MGAT5B: variants seen among roughly 807,000 people sequenced by gnomAD.
MGAT5B encodes the protein N-acetylglucosaminyl-transferase Vb.
Under a neutral mutation model 95.1 loss-of-function variants are expected in MGAT5B, and 54 were observed. That is an observed-to-expected ratio of 0.57 (90% confidence interval 0.46 to 0.71). The LOEUF is 0.71. Among genes scored for constraint, MGAT5B ranks in the 30% least tolerant of loss-of-function variants. The pLI, the probability that MGAT5B is intolerant of heterozygous loss-of-function variation, is 0.00. For missense variants in MGAT5B, 935 were observed against 1,088.6 expected (o/e 0.86, Z 1.99); for synonymous variants, 464 against 451.0 (o/e 1.03, Z -0.36).
At chr17:76,909,634 C>T (rs8066852) in intron 8 of MGAT5B, among the ~76,000 whole-genome samples, 18 of 152,318 alleles carry the variant, frequency 1.2e-4, no homozygotes, top group African/African-American at 3.8e-4. Context: ...GGCAGCTACT[C>T]AGTTTCTGCC....
At chr17:76,926,286 C>G (rs1468902642) in intron 9 of MGAT5B, among the ~76,000 whole-genome samples, 2 of 152,192 alleles carry the variant, frequency 1.3e-5, no homozygotes, top group East Asian at 3.9e-4. Flanking sequence ...CAAGCAGTGC[C>G]TCCCTTCTGG....
At chr17:76,922,149 C>T (rs1969142207) in intron 8 of MGAT5B, among the ~76,000 whole-genome samples, 1 of 152,090 alleles carries the variant, frequency 6.6e-6, no homozygotes, top group African/African-American at 2.4e-5. Context: ...AAGGAAGCTC[C>T]CAGGACAGAG....
At chr17:76,934,619 G>A (rs142930845) in intron 12 of MGAT5B, among the ~76,000 whole-genome samples, 149 of 152,270 alleles carry the variant, frequency 9.8e-4, no homozygotes, top group African/African-American at 3.4e-3. Flanking sequence ...GAGTCGGAGG[G>A]TCGTGGAACA....
In MGAT5B at chr17:76,930,672, C is replaced by T. The variant is rs1030971769; in HGVS notation, c.1292-1973C>T. ...TCCACACACGGCCATGGAATTGGAG[C>T]GTGAGATCAAACATGTTCCCTGGCC... On this transcript the variant is annotated intron_variant, in intron 10 of 17. Transcript: ENST00000569840. This position sits in a 1 kb window ranked among gnomAD's most constrained non-coding sequence, Gnocchi z 4.1. Among the ~76,000 whole-genome samples the T allele has an allele frequency of 6.6e-6, 1 of 152,164 alleles. No individual in the cohort carries two copies. The highest frequency in any genetic ancestry group is 2.4e-5 in the African/African-American group (1 of 41,434).
chr17:76,946,349 C>A, intron 15 of MGAT5B, 27 bp from the exon 16 acceptor site: 1 of 1,593,886 alleles, frequency 6.3e-7, no homozygotes, highest in East Asian at 2.3e-5. Context: ...TTCTCCCGCC[C>A]CATGTGTCTG....
chr17:76,922,545 G>A (rs1040927097), intron 8 of MGAT5B, among the ~76,000 whole-genome samples: 1 of 152,338 alleles, frequency 6.6e-6, no homozygotes, highest in East Asian at 1.9e-4. Flanking sequence ...TGCAGAATTT[G>A]TTCAACACTT....
intron 3 of MGAT5B, among the ~76,000 whole-genome samples, chr17:76,895,374 C>G (rs1467227983): frequency 6.6e-6 from 1 of 152,048 alleles, no homozygotes; most frequent in East Asian, 1.9e-4. Flanking sequence ...CTTGAATCAT[C>G]CTGAAACCAT....
At chr17:76,943,397 C>A (rs911666815) in intron 15 of MGAT5B, among the ~76,000 whole-genome samples, 4 of 152,028 alleles carry the variant, frequency 2.6e-5, no homozygotes, top group African/African-American at 4.8e-5. Flanking sequence ...CAGCTCACCC[C>A]CTCAGCTCAC....
chr17:76,893,120 C>A (rs1967939404), intron 3 of MGAT5B, among the ~76,000 whole-genome samples: 2 of 152,102 alleles, frequency 1.3e-5, no homozygotes, highest in Admixed American at 1.3e-4. Context: ...CCCTGTGGCC[C>A]TTGAGTGGCT....
At chr17:76,887,495 C>G (rs1967691811) in intron 3 of MGAT5B, among the ~76,000 whole-genome samples, 1 of 94,176 alleles carries the variant, frequency 1.1e-5, no homozygotes, top group Non-Finnish European at 2.0e-5. Context: ...CCCTCCCTCC[C>G]TTCCTCTCTC....
intron 10 of MGAT5B, 36 bp from the exon 11 acceptor site, chr17:76,932,609 T>C: frequency 6.2e-7 from 1 of 1,611,534 alleles, no homozygotes; most frequent in Non-Finnish European, 8.5e-7. Flanking sequence ...CTTGGTTGTT[T>C]GGTGACCCCA....
At chr17:76,945,456 AT>A (rs1220975566) in intron 15 of MGAT5B, among the ~76,000 whole-genome samples, 7 of 151,758 alleles carry the variant, frequency 4.6e-5, no homozygotes, top group Non-Finnish European at 2.9e-5. Flanking sequence ...CGCCTAGCTA[AT>A]TTTTTTTGTA....
chr17:76,947,649 C>G (rs761070468), intron 16 of MGAT5B, among the ~76,000 whole-genome samples, 181 bp from the exon 17 acceptor site: 1 of 152,212 alleles, frequency 6.6e-6, no homozygotes, highest in African/African-American at 2.4e-5. Flanking sequence ...TTCCTGTAAG[C>G]GATCTGGAGA....
chr17:76,947,169 G>T (rs536232257), intron 16 of MGAT5B, among the ~76,000 whole-genome samples: 14 of 152,334 alleles, frequency 9.2e-5, no homozygotes, highest in African/African-American at 3.4e-4. Flanking sequence ...GGGCCCTGGG[G>T]CAGGTGGCCG....
Position 76,868,894 on chromosome 17 carries a change from CG to C in MGAT5B, c.-133del. On this transcript the variant is annotated 5_prime_UTR_variant, in exon 1 of 18. Coordinates refer to ENST00000569840, the MANE Select transcript of MGAT5B (RefSeq NM_001199172.2). This position sits in a 1 kb window ranked among gnomAD's most constrained non-coding sequence, Gnocchi z 6.3. Reference sequence around the variant, plus strand: ...GCCCAGGCCTGAGCAGCGAGGCCACCGGGCCGCGCGCTCCCAGCTTCGCTCG... The same window carrying C: ...GCCCAGGCCTGAGCAGCGAGGCCACCGGCCGCGCGCTCCCAGCTTCGCTCG... 1.4e-6 allele frequency: 1 copy of C among 729,924 alleles called. No individual in the cohort carries two copies. The highest frequency in any genetic ancestry group is 2.1e-6 in the Non-Finnish European group (1 of 470,770). 45.2% of individuals were successfully genotyped at this position (729,924 alleles called of 1,614,324 possible). A position where few individuals can be genotyped will look rare whatever the true frequency, so the allele number is the denominator to read the frequency against.
intron 10 of MGAT5B, among the ~76,000 whole-genome samples, chr17:76,927,676 C>G (rs1489953944): frequency 6.6e-6 from 1 of 152,210 alleles, no homozygotes; most frequent in Non-Finnish European, 1.5e-5. Context: ...ATGGGCCTGC[C>G]CTTCTGGACG....
rs1969758330 is a variant in MGAT5B at position 76,938,841 on chromosome 17, G to A, written c.1584+698G>A. On this transcript the variant is annotated intron_variant, in intron 13 of 17. Coordinates refer to ENST00000569840, the MANE Select transcript of MGAT5B (RefSeq NM_001199172.2). The surrounding 1 kb of genome is among the most constrained non-coding windows in gnomAD (Gnocchi z 4.3). Reference sequence around the variant, plus strand: ...CTATTGGCATACACCACCACACCTGGCTAATTTTTAAATTTTTTGTAGAGA... The same window carrying A: ...CTATTGGCATACACCACCACACCTGACTAATTTTTAAATTTTTTGTAGAGA... Among the ~76,000 whole-genome samples the A allele has an allele frequency of 6.6e-6, 1 of 151,990 alleles. No homozygotes were observed. The highest frequency in any genetic ancestry group is 1.5e-5 in the Non-Finnish European group (1 of 67,996).
At chr17:76,890,189 A>G (rs1248147203) in intron 3 of MGAT5B, among the ~76,000 whole-genome samples, 1 of 152,236 alleles carries the variant, frequency 6.6e-6, no homozygotes, top group African/African-American at 2.4e-5. Flanking sequence ...AAGGGGCTGC[A>G]GTCCTGTCCT....
chr17:76,870,316 C>T lies in MGAT5B; in HGVS notation c.68+1219C>T, dbSNP rs1966963023. 6.6e-6 allele frequency among the ~76,000 whole-genome samples: 1 copy of T among 152,074 alleles called. No individual in the cohort carries two copies. Among genetic ancestry groups the T allele is most frequent in the Admixed American group, 6.5e-5 (1 of 15,276 alleles). On this transcript the variant is annotated intron_variant, in intron 1 of 17. Coordinates refer to ENST00000569840, the MANE Select transcript of MGAT5B (RefSeq NM_001199172.2). This position sits in a 1 kb window ranked among gnomAD's most constrained non-coding sequence, Gnocchi z 5.0. ...GCTGGACCTCTGCGGTCCGGGGGTC[C>T]GGGAGGCCCGGAGAGCTGGTGCAGG...
Sources: gnomAD v4.1 joint callset for allele counts (sites outside exome capture counted in the v4.1 genomes callset) on GRCh38, gnomAD v4.1.1 for gene constraint, Gnocchi (gnomAD v3.1) non-coding constraint, MANE v1.5 for transcripts, NCBI Gene and HGNC (gene_info 2026-07-23, HGNC 2026-07-21) for gene names.